The following PARP4 variants were observed in gnomAD, a reference collection of about 807,000 sequenced individuals.
PARP4 encodes protein mono-ADP-ribosyltransferase PARP4.
PARP4 carries 120 observed loss-of-function variants against 187.7 expected under a neutral mutation model. The ratio of observed to expected loss-of-function variants is 0.64; its 90% CI spans 0.55 to 0.74. The LOEUF is 0.74. Among genes scored for constraint, PARP4 ranks in the 30% least tolerant of loss-of-function variants. The pLI is 0.00. For missense variants in PARP4, 1,836 were observed against 2,070.5 expected (o/e 0.89, Z 2.20); for synonymous variants, 654 against 740.9 (o/e 0.88, Z 1.90).
chr13:24,435,268 C>T lies in PARP4; in HGVS notation c.3873G>A (p.Glu1291=). Residue 1291 remains glutamate (E), a synonymous_variant, in exon 31 of 34, where the codon GAG becomes GAA. Coordinates refer to ENST00000381989, the MANE Select transcript of PARP4 (RefSeq NM_006437.4). ...VEKLLDLSWT[E]SCKPTATEPL... ...GTTCAGTTGCTGTTGGTTTACATGA[C>T]TCTGTCCAACTTAAATCCAATAGCT... The T allele has an allele frequency of 6.2e-7, 1 of 1,613,534 alleles. No individual in the cohort carries two copies.
intron 29 of PARP4, among the ~76,000 whole-genome samples, 156 bp from the exon 30 acceptor site, chr13:24,442,124 G>A (rs1487587751): frequency 5.3e-5 from 8 of 150,636 alleles, no homozygotes; most frequent in African/African-American, 2.0e-4. Context: ...AAGTGGGGAG[G>A]TGGAGTGGCT....
chr13:24,456,643 A>G (rs559074601), intron 20 of PARP4, among the ~76,000 whole-genome samples, 165 bp from the exon 21 acceptor site: 24 of 152,314 alleles, frequency 1.6e-4, no homozygotes, highest in East Asian at 9.6e-4. Context: ...GGCCGGGTGC[A>G]GTGGCTCACA....
At chr13:24,506,215 T>C (rs1196740806) in intron 1 of PARP4, among the ~76,000 whole-genome samples, 2 of 152,120 alleles carry the variant, frequency 1.3e-5, no homozygotes, top group African/African-American at 4.8e-5. Context: ...TACAGTTCTT[T>C]AAGGCGGCGC....
intron 24 of PARP4, among the ~76,000 whole-genome samples, chr13:24,450,857 A>T (rs1236425418): frequency 6.6e-6 from 1 of 152,146 alleles, no homozygotes; most frequent in African/African-American, 2.4e-5. Flanking sequence ...ACTCCCCGTC[A>T]CATGCCTTAC....
chr13:24,470,040 A>G lies in PARP4; in HGVS notation c.1915-15T>C. ...AAAACAATGACCTGAAGAAGAAAAA[A>G]AATCCATACAATTGATGAGACCACA... On this transcript the variant is annotated splice_polypyrimidine_tract_variant and intron_variant, in intron 15 of 33. Transcript: ENST00000381989. 6.2e-7 allele frequency: 1 copy of G among 1,609,186 alleles called. No homozygotes were observed. The highest frequency in any genetic ancestry group is 8.5e-7 in the Non-Finnish European group (1 of 1,177,654).
intron 33 of PARP4, 149 bp from the exon 34 acceptor site, chr13:24,421,463 T>G: frequency 8.8e-7 from 1 of 1,133,628 alleles, no homozygotes. Context: ...CTTACGGAAG[T>G]TCTTCTGCCC....
intron 3 of PARP4, among the ~76,000 whole-genome samples, 162 bp downstream of exon 3, chr13:24,501,471 T>C (rs1028412240): frequency 1.3e-5 from 2 of 152,228 alleles, no homozygotes; most frequent in African/African-American, 2.4e-5. Context: ...AGTGCTAAAG[T>C]AGTCTTTTGT....
Position 24,431,299 on chromosome 13 carries a change from AAC to A in PARP4, c.4846+76_4846+77del, listed in dbSNP as rs989390064. 12 of 780,100 alleles carry A rather than the reference AAC, an allele frequency of 1.5e-5. No homozygotes were observed. The Admixed American group carries it at 3.2e-4, about 21-fold the overall frequency. The allele number at this position is 780,100 out of a possible 1,614,324, so 48.3% of individuals were successfully genotyped here. On this transcript the variant is annotated intron_variant, in intron 32 of 33. Transcript: ENST00000381989. ...ATTACATTAATACACTAGCTTACAA[AAC>A]AGTTTACAACAATTAGGAGCATGCT...
intron 10 of PARP4, 50 bp from the exon 11 acceptor site, chr13:24,486,355 C>T (rs769397793): frequency 3.1e-6 from 4 of 1,272,402 alleles, no homozygotes; most frequent in Non-Finnish European, 4.5e-6. Context: ...GGAAACAAAA[C>T]AAAAAGTCAT....
intron 31 of PARP4, among the ~76,000 whole-genome samples, chr13:24,434,127 T>C (rs1449349053): frequency 1.3e-5 from 2 of 152,194 alleles, no homozygotes; most frequent in African/African-American, 2.4e-5. Context: ...ATGTGAGGAA[T>C]AGTAACATTC....
intron 4 of PARP4, among the ~76,000 whole-genome samples, chr13:24,500,020 A>G (rs9581086): frequency 0.099 from 14,853 of 149,828 alleles, 806 homozygotes; most frequent in Non-Finnish European, 0.12. Context: ...GCTCAGGAAA[A>G]TAATAGGATG....
chr13:24,458,411 GTT>G (rs202018235), intron 20 of PARP4, among the ~76,000 whole-genome samples: 5 of 144,950 alleles, frequency 3.4e-5, no homozygotes, highest in African/African-American at 7.6e-5. Flanking sequence ...ACTCAGCCAA[GTT>G]TTTTTTTTTT....
chr13:24,489,514 CAGG>C (rs1168431589), intron 10 of PARP4, among the ~76,000 whole-genome samples: 8 of 152,104 alleles, frequency 5.3e-5, no homozygotes, highest in Non-Finnish European at 8.8e-5. Context: ...GTGGCTGAGG[CAGG>C]AGAATGGCGT....
At chr13:24,502,334 T>C (rs2137545352) in intron 2 of PARP4, among the ~76,000 whole-genome samples, 1 of 152,328 alleles carries the variant, frequency 6.6e-6, no homozygotes, top group South Asian at 2.1e-4. Context: ...TGCCCGCTTA[T>C]AATTTTATTT....
rs764488993 is a variant in PARP4 at position 24,498,140 on chromosome 13, G to C, written c.567C>G (p.His189Gln). The C allele has an allele frequency of 1.9e-6, 3 of 1,612,864 alleles. No individual in the cohort carries two copies. The highest frequency in any genetic ancestry group is 2.5e-6 in the Non-Finnish European group (3 of 1,178,884). ...CCTCCATGCCATCATCCAGGAGGAA[G>C]TGTGAGGATATCAGGAAAGGACAGT... ...SRDCPFLISS[H>Q]FLLDDGMETR... Residue 189 changes from histidine to glutamine, a missense_variant, in exon 6 of 34, where the codon CAC (histidine) becomes CAG (glutamine). Around this residue, in one of 8 missense-constraint regions of PARP4, gnomAD observed 1,147 missense variants for 1,214.2 expected, o/e 0.94. Coordinates refer to ENST00000381989, the MANE Select transcript of PARP4 (RefSeq NM_006437.4).
intron 1 of PARP4, among the ~76,000 whole-genome samples, chr13:24,506,744 C>T (rs772273377): frequency 2.0e-5 from 3 of 152,208 alleles, no homozygotes; most frequent in Non-Finnish European, 4.4e-5. Flanking sequence ...ACTCAGGAGC[C>T]CAGCTGGCTT....
At chr13:24,506,464 C>T (rs185952209) in intron 1 of PARP4, among the ~76,000 whole-genome samples, 3 of 152,306 alleles carry the variant, frequency 2.0e-5, no homozygotes, top group East Asian at 3.9e-4. Flanking sequence ...GCCCCACCCA[C>T]ATCCTGCTGA....
intron 33 of PARP4, among the ~76,000 whole-genome samples, chr13:24,423,258 A>C (rs975309844): frequency 2.6e-5 from 4 of 152,190 alleles, no homozygotes; most frequent in African/African-American, 9.7e-5. Context: ...AATACAAAAA[A>C]TAGGCTAGTG....
intron 6 of PARP4, among the ~76,000 whole-genome samples, chr13:24,497,379 T>C (rs527878705): frequency 5.3e-5 from 8 of 152,286 alleles, no homozygotes; most frequent in Admixed American, 2.0e-4. Flanking sequence ...TATCTTTGAG[T>C]GTCAGCCCTA....
Sources: gnomAD v4.1 joint callset for allele counts (sites outside exome capture counted in the v4.1 genomes callset) on GRCh38, gnomAD v4.1.1 for gene constraint, gnomAD v4.1.1 regional missense constraint, MANE v1.5 for transcripts, NCBI Gene and HGNC (gene_info 2026-07-23, HGNC 2026-07-21) for gene names.